PARP14: variants seen among roughly 807,000 people sequenced by gnomAD.
The protein encoded by PARP14 is protein mono-ADP-ribosyltransferase PARP14.
In PARP14, 59 loss-of-function variants were observed where a neutral mutation model predicts 154.2. The ratio of observed to expected loss-of-function variants is 0.38; its 90% CI spans 0.31 to 0.48. The LOEUF (loss-of-function observed/expected upper bound fraction) is 0.48, where lower values mean the gene tolerates loss of function less well. PARP14 is among the 20% of genes least tolerant of loss of function. PARP14 has a pLI of 0.98. For missense variants in PARP14, 1,734 were observed against 2,131.6 expected (o/e 0.81, Z 3.67); for synonymous variants, 720 against 780.5 (o/e 0.92, Z 1.29).
Position 122,718,505 on chromosome 3 carries a change from A to G in PARP14, c.4354A>G (p.Lys1452Glu), listed in dbSNP as rs376022671. 1.7e-5 allele frequency: 27 copies of G among 1,613,882 alleles called. No individual in the cohort carries two copies. The highest frequency in any genetic ancestry group is 2.2e-5 in the Non-Finnish European group (26 of 1,179,872). Residue 1452 changes from lysine (K) to glutamate (E), a missense_variant, in exon 14 of 17, where the codon AAA (lysine) becomes GAA (glutamate). Lys to Glu is a moderately conservative substitution (Grantham distance 56, BLOSUM62 1). This residue lies in a region of PARP14 where 1,646 missense variants were observed against 1,976.0 expected (regional missense o/e 0.83). Coordinates refer to ENST00000474629, the MANE Select transcript of PARP14 (RefSeq NM_017554.3). ...CTCCTGGCTACAAGACCTGATTGAA[A>G]AAGAACAGTGTCCTTACACCAGTGA... is the stretch of plus-strand genomic sequence containing the variant. ...AISWLQDLIE[K>E]EQCPYTSEDE...
chr3:122,697,331 A>T lies in PARP14; in HGVS notation c.835+1669A>T, dbSNP rs16833403. Among the ~76,000 whole-genome samples, 1,358 of 152,296 alleles carry T rather than the reference A, an allele frequency of 8.9e-3. 14 individuals carry two copies. Among genetic ancestry groups the T allele is most frequent in the African/African-American group, 0.031 (1,295 of 41,538 alleles). Reference sequence around the variant, plus strand: ...TTACCAAGTGCATTCAGACAGTCTTATGGGCATCTTGATTGTTATAATCCC... The same window carrying T: ...TTACCAAGTGCATTCAGACAGTCTTTTGGGCATCTTGATTGTTATAATCCC... On this transcript the variant is annotated intron_variant, in intron 5 of 16. Transcript: ENST00000474629.
Position 122,718,813 on chromosome 3 carries a change from G to C in PARP14, c.4662G>C (p.Leu1554=), listed in dbSNP as rs1480743012. 3.7e-6 allele frequency: 6 copies of C among 1,613,862 alleles called. 1 individual carries two copies. The South Asian group carries it at 6.6e-5, about 18-fold the overall frequency. Residue 1554 remains leucine, a synonymous_variant, in exon 14 of 17, where the codon CTG becomes CTC. Coordinates refer to ENST00000474629, the MANE Select transcript of PARP14 (RefSeq NM_017554.3). ...TSHCFNKMTN[L]KLEDARREKK... is the part of the protein sequence containing the mutation. ...ATTGTTTTAACAAAATGACCAATCT[G>C]AAATTAGAGGATGCAAGGAGAGAAA...
rs376726881 is a variant in PARP14, at chr3:122,692,297, T to C, written c.356-4T>C. The C allele has an allele frequency of 9.3e-6, 15 of 1,608,804 alleles. No individual in the cohort carries two copies. In the African/African-American group the frequency reaches 1.6e-4, roughly 17 times the overall value. ...TTGTACCTCTTTTGTCTTCCTAAAATCAGATGTGTCAGAAGAATTGGATAC... is the reference window on the plus strand; with the variant it reads ...TTGTACCTCTTTTGTCTTCCTAAAACCAGATGTGTCAGAAGAATTGGATAC... On this transcript the variant is annotated splice_region_variant and splice_polypyrimidine_tract_variant and intron_variant, in intron 3 of 16. Transcript: ENST00000474629.
chr3:122,715,926 A>T (rs1203372787), intron 12 of PARP14, among the ~76,000 whole-genome samples: 1 of 152,142 alleles, frequency 6.6e-6, no homozygotes, highest in Non-Finnish European at 1.5e-5. Flanking sequence ...TTCTGGACTC[A>T]ATTCTGGACT....
Position 122,700,902 on chromosome 3 carries a change from A to G in PARP14, c.2348A>G (p.Glu783Gly), listed in dbSNP as rs1938944701. Residue 783 changes from glutamate (E) to glycine (G), a missense_variant, in exon 6 of 17, where the codon GAG (glutamate) becomes GGG (glycine). Glu to Gly is a moderately conservative substitution (Grantham distance 98). Around this residue, in one of 2 missense-constraint regions of PARP14, gnomAD observed 1,646 missense variants for 1,976.0 expected, o/e 0.83. Coordinates refer to ENST00000474629, the MANE Select transcript of PARP14 (RefSeq NM_017554.3). ...CTACAGGAGAATGAAGTAATGAAGG[A>G]GGGAGGCAGCCCCGCTGGGCAGAAG... ...IELQENEVMK[E>G]GGSPAGQKCF... 1 of 1,613,992 alleles carries G rather than the reference A, an allele frequency of 6.2e-7. No homozygotes were observed. The highest frequency in any genetic ancestry group is 8.5e-7 in the Non-Finnish European group (1 of 1,179,854).
chr3:122,728,892 G>A lies in PARP14; in HGVS notation c.*295G>A, dbSNP rs866613234. 4.1e-5 allele frequency: 14 copies of A among 342,570 alleles called. No homozygotes were observed. The highest frequency in any genetic ancestry group is 2.5e-4 in the African/African-American group (12 of 47,342). The allele number at this position is 342,570 out of a possible 1,614,324, so 21.2% of individuals were successfully genotyped here. A position where few individuals can be genotyped will look rare whatever the true frequency, so the allele number is the denominator to read the frequency against. ...AACAGGTTTGTATTTTCAGGAAGGA[G>A]AGAATAACAGTCTTATAGACAGAGG... On this transcript the variant is annotated 3_prime_UTR_variant, in exon 17 of 17. Coordinates refer to ENST00000474629, the MANE Select transcript of PARP14 (RefSeq NM_017554.3).
Position 122,699,633 on chromosome 3 carries a change from T to A in PARP14, c.1079T>A (p.Leu360His). The change falls in exon 6 of 17, where the codon CTC becomes CAC. Residue 360 changes from leucine to histidine, a missense_variant. Leu to His is a moderately conservative substitution (Grantham distance 99). Around this residue, in one of 2 missense-constraint regions of PARP14, gnomAD observed 1,646 missense variants for 1,976.0 expected, o/e 0.83. Transcript: ENST00000474629. ...RCHCELTWSQ[L>H]SGKVTIRPAA... ...CACTGTGAGCTCACGTGGTCCCAAC[T>A]CAGTGGTAAAGTTACCATCAGACCA... 6.2e-7 allele frequency: 1 copy of A among 1,614,016 alleles called. No individual in the cohort carries two copies. The highest frequency in any genetic ancestry group is 8.5e-7 in the Non-Finnish European group (1 of 1,179,890).
intron 3 of PARP14, among the ~76,000 whole-genome samples, chr3:122,691,138 CAG>C (rs1277195269): frequency 1.6e-4 from 24 of 152,180 alleles, no homozygotes; most frequent in African/African-American, 5.8e-4. Context: ...TTGGTGCACA[CAG>C]AGCATTTTAT....
At chr3:122,712,004 A>G (rs1004565679) in intron 9 of PARP14, among the ~76,000 whole-genome samples, 6 of 152,106 alleles carry the variant, frequency 3.9e-5, no homozygotes, top group Non-Finnish European at 8.8e-5. Flanking sequence ...CTAATGGTCT[A>G]TGAATTTTCT....
intron 12 of PARP14, among the ~76,000 whole-genome samples, chr3:122,717,765 A>G (rs1481341735): frequency 1.3e-5 from 2 of 152,190 alleles, no homozygotes; most frequent in Non-Finnish European, 2.9e-5. Flanking sequence ...GTAATAGGAG[A>G]GGAGGAACAC....
In PARP14 at chr3:122,718,118, G is replaced by A; in HGVS notation, c.4048G>A (p.Ala1350Thr). The A allele has an allele frequency of 1.2e-6, 2 of 1,613,836 alleles. No homozygotes were observed. The highest frequency in any genetic ancestry group is 1.7e-6 in the Non-Finnish European group (2 of 1,179,824). ...TAAGGTTGCTGAAGCCATAATTGAT[G>A]CCATTGAAGACTTTGTCCAGAAAGG... The part of the protein sequence containing the change: ...PDKVAEAIID[A>T]IEDFVQKGSA... The change falls in exon 13 of 17, where the codon GCC becomes ACC. Residue 1350 changes from alanine (A) to threonine (T), a missense_variant. Ala to Thr is a moderately conservative substitution (Grantham distance 58, BLOSUM62 0). Around this residue, in one of 2 missense-constraint regions of PARP14, gnomAD observed 1,646 missense variants for 1,976.0 expected, o/e 0.83. Coordinates refer to ENST00000474629, the MANE Select transcript of PARP14 (RefSeq NM_017554.3).
chr3:122,695,419 T>G lies in PARP14; in HGVS notation c.599-7T>G. 1 of 1,364,180 alleles carries G rather than the reference T, an allele frequency of 7.3e-7. No individual in the cohort carries two copies. The highest frequency in any genetic ancestry group is 1.0e-6 in the Non-Finnish European group (1 of 974,734). The allele number at this position is 1,364,180 out of a possible 1,614,324, so 84.5% of individuals were successfully genotyped here. On this transcript the variant is annotated splice_polypyrimidine_tract_variant and splice_region_variant and intron_variant, in intron 4 of 16. Transcript: ENST00000474629. Reference sequence around the variant, plus strand: ...TGATTTTCTTTCTTTTTTTTTTTGGTTTGTAGATACTATAAGATTTGTTGA... The same window carrying G: ...TGATTTTCTTTCTTTTTTTTTTTGGGTTGTAGATACTATAAGATTTGTTGA...
chr3:122,699,067 GTAAT>G (rs1473719757), intron 5 of PARP14, among the ~76,000 whole-genome samples: 1 of 152,196 alleles, frequency 6.6e-6, no homozygotes, highest in Non-Finnish European at 1.5e-5. Context: ...TGGCTAGAAA[GTAAT>G]TATTCCATTC....
Position 122,699,822 on chromosome 3 carries a change from T to G in PARP14, c.1268T>G (p.Leu423Trp). 6.2e-7 allele frequency: 1 copy of G among 1,613,998 alleles called. No individual in the cohort carries two copies. The highest frequency in any genetic ancestry group is 1.3e-5 in the African/African-American group (1 of 75,048). The change falls in exon 6 of 17, where the codon TTG becomes TGG. Residue 423 changes from leucine (L) to tryptophan (W), a missense_variant. Leu to Trp is a moderately conservative substitution (Grantham distance 61). This residue lies in a region of PARP14 where 1,646 missense variants were observed against 1,976.0 expected (regional missense o/e 0.83). Coordinates refer to ENST00000474629, the MANE Select transcript of PARP14 (RefSeq NM_017554.3). ...IKNDVKDDRI[L>W]IEFDTLKEMV... ...AATGATGTGAAAGATGACAGGATTT[T>G]GATTGAGTTTGATACACTTAAGGAG...
intron 9 of PARP14, 79 bp from the exon 10 acceptor site, chr3:122,713,344 AG>A: frequency 8.5e-7 from 1 of 1,170,554 alleles, no homozygotes; most frequent in South Asian, 1.5e-5. Context: ...GACATCCAAG[AG>A]GGTCCCATGT....
At chr3:122,706,359 C>T (rs564922819) in intron 8 of PARP14, among the ~76,000 whole-genome samples, 1 of 152,274 alleles carries the variant, frequency 6.6e-6, no homozygotes, top group Non-Finnish European at 1.5e-5. Flanking sequence ...TAGATGGAGA[C>T]TGTCACAGAG....
chr3:122,697,195 A>T (rs1344785126), intron 5 of PARP14, among the ~76,000 whole-genome samples: 1 of 151,636 alleles, frequency 6.6e-6, no homozygotes, highest in Non-Finnish European at 1.5e-5. Flanking sequence ...CTCAAGCAAT[A>T]CTCCCTCCTT....
rs1939057744 is a variant in PARP14, at chr3:122,703,735, C to T, written c.3082-7C>T. 1.3e-6 allele frequency: 2 copies of T among 1,563,596 alleles called. No homozygotes were observed. Among genetic ancestry groups the T allele is most frequent in the Non-Finnish European group, 1.7e-6 (2 of 1,152,564 alleles). The stretch of plus-strand genomic sequence containing the variant: ...ATTTGAAACAAATTTTTGGTTTTGT[C>T]TTTAAGACCGATGTTGTTGTCAACT... On this transcript the variant is annotated splice_region_variant and splice_polypyrimidine_tract_variant and intron_variant, in intron 6 of 16. Coordinates refer to ENST00000474629, the MANE Select transcript of PARP14 (RefSeq NM_017554.3).
chr3:122,716,595 C>T (rs1456588056), intron 12 of PARP14, among the ~76,000 whole-genome samples: 1 of 152,170 alleles, frequency 6.6e-6, no homozygotes, highest in Non-Finnish European at 1.5e-5. Context: ...AGGTGAAGGA[C>T]AAACCCAGCT....
Sources: allele counts gnomAD v4.1 joint callset (sites outside exome capture counted in the v4.1 genomes callset), GRCh38; gene constraint gnomAD v4.1.1; regional missense constraint gnomAD v4.1.1; transcripts MANE v1.5; gene names NCBI Gene and HGNC (gene_info 2026-07-23, HGNC 2026-07-21).